Variants in GRM8 observed in about 807,000 individuals in gnomAD.
The protein encoded by GRM8 is glutamate metabotropic receptor 8.
Under a neutral mutation model 87.2 loss-of-function variants are expected in GRM8, and 47 were observed. The ratio of observed to expected loss-of-function variants is 0.54; its 90% CI spans 0.43 to 0.69. The LOEUF (loss-of-function observed/expected upper bound fraction) is 0.69. Ranked by LOEUF, GRM8 falls within the 30% of genes least tolerant of loss-of-function variation. The pLI is 0.00. For synonymous variants in GRM8, 396 were observed against 404.5 expected, an observed-to-expected ratio of 0.98 and a Z score of 0.25; for missense variants, 1,019 against 1,139.2, an observed-to-expected ratio of 0.89 and a Z score of 1.52.
intron 6 of GRM8, among the ~76,000 whole-genome samples, chr7:126,884,639 A>C (rs1176282117): frequency 1.3e-5 from 2 of 152,148 alleles, no homozygotes; most frequent in African/African-American, 4.8e-5. Flanking sequence ...TGTAGTGTGA[A>C]CTTAATGACT....
intron 8 of GRM8, among the ~76,000 whole-genome samples, chr7:126,541,749 A>G (rs1018008897): frequency 6.6e-5 from 10 of 152,232 alleles, no homozygotes; most frequent in African/African-American, 2.4e-4. Context: ...ACAGATTATC[A>G]GGTACAAAGG....
chr7:126,911,372 A>C (rs923714407), intron 3 of GRM8, among the ~76,000 whole-genome samples: 1 of 152,048 alleles, frequency 6.6e-6, no homozygotes, highest in African/African-American at 2.4e-5. Flanking sequence ...TTCTCCTTTC[A>C]AATGGATTCC....
intron 3 of GRM8, among the ~76,000 whole-genome samples, chr7:127,069,941 G>C (rs955924460): frequency 3.9e-5 from 6 of 152,160 alleles, no homozygotes; most frequent in Non-Finnish European, 2.9e-5. Flanking sequence ...TTCAACAAAT[G>C]TTAATTATTT....
chr7:127,086,392 G>A (rs549210305), intron 3 of GRM8, among the ~76,000 whole-genome samples: 3 of 152,186 alleles, frequency 2.0e-5, no homozygotes, highest in East Asian at 1.9e-4. Flanking sequence ...GAGCCACTGC[G>A]CCTGGCCCAG....
chr7:126,571,104 T>G (rs990144132), intron 8 of GRM8, among the ~76,000 whole-genome samples: 1 of 152,176 alleles, frequency 6.6e-6, no homozygotes, highest in Non-Finnish European at 1.5e-5. Flanking sequence ...TCCAGAGCCC[T>G]TCTCAGTCTA....
intron 8 of GRM8, among the ~76,000 whole-genome samples, chr7:126,602,965 ACATT>A (rs1585189203): frequency 7.1e-6 from 1 of 141,182 alleles, no homozygotes; most frequent in African/African-American, 2.5e-5. Flanking sequence ...TCCTTGATGA[ACATT>A]GATGCAAAAA....
chr7:127,044,498 A>G (rs1429970826), intron 3 of GRM8, among the ~76,000 whole-genome samples: 2 of 152,204 alleles, frequency 1.3e-5, no homozygotes, highest in African/African-American at 4.8e-5. Context: ...ATCTGTTACT[A>G]GCAATCTACC....
rs188644764 is a variant in GRM8, at chr7:126,905,435, C to T, written c.728-752G>A. On this transcript the variant is annotated intron_variant, in intron 3 of 10. Coordinates refer to ENST00000339582, the MANE Select transcript of GRM8 (RefSeq NM_000845.3). ...GGGTAGGAGGAGAAGAAAGAGGTTC[C>T]CCCAGTTGCAGTGAAACAGAGATAA... 4.0e-4 allele frequency among the ~76,000 whole-genome samples: 61 copies of T among 152,220 alleles called. 1 individual carries two copies. Among genetic ancestry groups the T allele is most frequent in the East Asian group, 1.9e-4 (1 of 5,182 alleles).
chr7:127,015,080 A>G (rs1815397298), intron 3 of GRM8, among the ~76,000 whole-genome samples: 1 of 94,192 alleles, frequency 1.1e-5, no homozygotes, highest in East Asian at 2.5e-4. Flanking sequence ...AGAAAGAAGG[A>G]GAAGAAGGAG....
intron 7 of GRM8, among the ~76,000 whole-genome samples, chr7:126,645,716 G>A (rs961619923): frequency 1.3e-5 from 2 of 152,172 alleles, no homozygotes; most frequent in Non-Finnish European, 2.9e-5. Flanking sequence ...AACATGGCTT[G>A]TCTGATTAGT....
intron 7 of GRM8, among the ~76,000 whole-genome samples, chr7:126,651,728 G>A (rs899194725): frequency 1.3e-5 from 2 of 152,170 alleles, no homozygotes; most frequent in Non-Finnish European, 2.9e-5. Flanking sequence ...GTTAGCTGGG[G>A]TGACTGACCC....
chr7:126,741,544 G>C (rs1308498393), intron 7 of GRM8, among the ~76,000 whole-genome samples: 2 of 152,000 alleles, frequency 1.3e-5, no homozygotes, highest in South Asian at 2.1e-4. Flanking sequence ...TGTAACTCTG[G>C]TCCTGAATGT....
intron 3 of GRM8, among the ~76,000 whole-genome samples, chr7:126,976,580 C>G (rs931400373): frequency 4.6e-5 from 7 of 151,750 alleles, no homozygotes; most frequent in Non-Finnish European, 4.4e-5. Context: ...GGCAACAGAG[C>G]GAGACTCTGT....
At chr7:126,856,987 T>A (rs1444274402) in intron 6 of GRM8, among the ~76,000 whole-genome samples, 1 of 152,222 alleles carries the variant, frequency 6.6e-6, no homozygotes, top group African/African-American at 2.4e-5. Context: ...GATGCAAAGG[T>A]CTTAATGATA....
intron 7 of GRM8, among the ~76,000 whole-genome samples, chr7:126,749,203 G>A (rs1462575531): frequency 2.6e-5 from 4 of 152,052 alleles, no homozygotes; most frequent in Non-Finnish European, 4.4e-5. Flanking sequence ...GCTTGAACCG[G>A]GAGGGAGAGG....
At chr7:126,536,854 A>G (rs2150876698) in intron 8 of GRM8, among the ~76,000 whole-genome samples, 1 of 152,154 alleles carries the variant, frequency 6.6e-6, no homozygotes, top group Non-Finnish European at 1.5e-5. Context: ...AAACAAAACA[A>G]AAAATGAAAA....
intron 3 of GRM8, among the ~76,000 whole-genome samples, chr7:126,949,433 G>C (rs1807898285): frequency 6.6e-6 from 1 of 152,166 alleles, no homozygotes; most frequent in Non-Finnish European, 1.5e-5. Flanking sequence ...AAATTTTAAA[G>C]TGATTTTCTT....
intron 7 of GRM8, among the ~76,000 whole-genome samples, chr7:126,652,554 A>G (rs111718255): frequency 0.023 from 3,445 of 152,274 alleles, 118 homozygotes; most frequent in African/African-American, 0.079. Flanking sequence ...CCATCTAATC[A>G]GCTGCCAGCA....
Position 127,252,228 on chromosome 7 carries a change from C to T in GRM8, c.-312+569G>A, listed in dbSNP as rs1032993638. 6.6e-6 allele frequency: 1 copy of T among 152,324 alleles called. No individual in the cohort carries two copies. The highest frequency in any genetic ancestry group is 1.5e-5 in the Non-Finnish European group (1 of 68,130). 9.4% of individuals were successfully genotyped at this position (152,324 alleles called of 1,614,324 possible). A position where few individuals can be genotyped will look rare whatever the true frequency, so the allele number is the denominator to read the frequency against. ...GGCAGAGCGCTTTAAAATCCTGCCG[C>T]CGCACGCCCAGTCAGAGCGCCGAGC... On this transcript the variant is annotated intron_variant, in intron 1 of 10. Transcript: ENST00000339582. The surrounding 1 kb of genome is among the most constrained non-coding windows in gnomAD (Gnocchi z 4.9).
Sources: allele counts gnomAD v4.1 joint callset (sites outside exome capture counted in the v4.1 genomes callset), GRCh38; gene constraint gnomAD v4.1.1; non-coding constraint Gnocchi (gnomAD v3.1); transcripts MANE v1.5; gene names NCBI Gene and HGNC (gene_info 2026-07-23, HGNC 2026-07-21).